The following CD9 variants were observed in gnomAD, a reference collection of about 807,000 sequenced individuals.
CD9 encodes CD9 molecule.
A neutral mutation model predicts 31.4 loss-of-function variants in CD9; 10 were observed. The observed-to-expected ratio is 0.32, with a 90% CI of 0.20 to 0.54. CD9 has a LOEUF of 0.54. CD9 is among the 20% of genes least tolerant of loss of function. CD9 has a pLI of 0.94. For missense variants in CD9, 259 were observed against 300.1 expected (o/e 0.86, Z 1.01); for synonymous variants, 113 against 114.1 (o/e 0.99, Z 0.06).
intron 1 of CD9, chr12:6,225,182 T>C (rs1415521665): frequency 3.7e-6 from 2 of 536,598 alleles, no homozygotes; most frequent in Non-Finnish European, 6.6e-6. Context: ...TTCTGTTGCC[T>C]ATAAAATACC....
intron 1 of CD9, among the ~76,000 whole-genome samples, chr12:6,203,141 C>T (rs1226404545): frequency 2.0e-5 from 3 of 152,122 alleles, no homozygotes; most frequent in Non-Finnish European, 4.4e-5. Context: ...GCATTGTCCC[C>T]ACTGTACTGA....
rs372872141 is a variant in CD9, at chr12:6,200,456, C to T, written c.-44C>T. The T allele has an allele frequency of 1.5e-4, 210 of 1,408,766 alleles. No homozygotes were observed. Among genetic ancestry groups the T allele is most frequent in the Non-Finnish European group, 2.0e-4 (197 of 994,754 alleles). 87.3% of individuals were successfully genotyped at this position (1,408,766 alleles called of 1,614,324 possible). A position where few individuals can be genotyped will look rare whatever the true frequency, so the allele number is the denominator to read the frequency against. ...CCGCCAGTCCCAGCTGCGCGCGCCC[C>T]CCAGTCCCGCACCCGTTCGGCCCAG... On this transcript the variant is annotated 5_prime_UTR_variant, in exon 1 of 8. Transcript: ENST00000009180.
chr12:6,202,055 C>CA (rs1946084101), intron 1 of CD9, among the ~76,000 whole-genome samples: 1 of 152,198 alleles, frequency 6.6e-6, no homozygotes, highest in East Asian at 1.9e-4. Flanking sequence ...AGAAAAGAAA[C>CA]AAATGCACTT....
At chr12:6,208,565 GT>G (rs1946157556) in intron 1 of CD9, among the ~76,000 whole-genome samples, 1 of 152,058 alleles carries the variant, frequency 6.6e-6, no homozygotes, top group African/African-American at 2.4e-5. Context: ...TTGTTTGTTT[GT>G]TTGTTTTTGT....
intron 1 of CD9, among the ~76,000 whole-genome samples, chr12:6,219,343 G>A (rs1946271098): frequency 6.6e-6 from 1 of 152,050 alleles, no homozygotes; most frequent in South Asian, 2.1e-4. Context: ...TCCAAAGTCT[G>A]TATAAGGATT....
intron 2 of CD9, among the ~76,000 whole-genome samples, chr12:6,230,230 A>G (rs1338934846): frequency 6.6e-6 from 1 of 152,164 alleles, no homozygotes; most frequent in Non-Finnish European, 1.5e-5. Context: ...GGCTAAAGCT[A>G]GGCACTGCAG....
chr12:6,232,418 C>T lies in CD9; in HGVS notation c.176-214C>T. ...AGGTAGGAGCGTGAGCTTGATGAAGCAGAGTCATGCAAGAGAGGCTGGTGG... is the reference window on the plus strand; with the variant it reads ...AGGTAGGAGCGTGAGCTTGATGAAGTAGAGTCATGCAAGAGAGGCTGGTGG... On this transcript the variant is annotated intron_variant, in intron 2 of 7. Transcript: ENST00000009180. This position sits in a 1 kb window ranked among gnomAD's most constrained non-coding sequence, Gnocchi z 4.8. 6.6e-6 allele frequency: 4 copies of T among 609,694 alleles called. No homozygotes were observed. Among genetic ancestry groups the T allele is most frequent in the Non-Finnish European group, 1.2e-5 (4 of 341,770 alleles). 37.8% of individuals were successfully genotyped at this position (609,694 alleles called of 1,614,324 possible). A position where few individuals can be genotyped will look rare whatever the true frequency, so the allele number is the denominator to read the frequency against.
Position 6,233,480 on chromosome 12 carries a change from G to A in CD9, c.342G>A (p.Lys114=). ...IAAAIWGYSH[K]DEVIKEVQEF... is the part of the protein sequence containing the mutation. ...CGGCCATCTGGGGATATTCCCACAA[G>A]GATGAGGTAGGTTTTTCCCATGAGA... The change falls in exon 4 of 8, where the codon AAG becomes AAA. Residue 114 remains lysine, a synonymous_variant. Coordinates refer to ENST00000009180, the MANE Select transcript of CD9 (RefSeq NM_001769.4). 1 of 1,612,574 alleles carries A rather than the reference G, an allele frequency of 6.2e-7. No homozygotes were observed. Among genetic ancestry groups the A allele is most frequent in the African/African-American group, 1.3e-5 (1 of 75,000 alleles).
At chr12:6,201,280 G>A (rs901444515) in intron 1 of CD9, among the ~76,000 whole-genome samples, 1 of 150,414 alleles carries the variant, frequency 6.6e-6, no homozygotes. Flanking sequence ...TTTCAAGGAC[G>A]ATAAGTATCT....
intron 1 of CD9, among the ~76,000 whole-genome samples, chr12:6,212,157 G>C (rs191305532): frequency 2.0e-5 from 3 of 152,160 alleles, no homozygotes; most frequent in Non-Finnish European, 4.4e-5. Flanking sequence ...GCAAGTAACC[G>C]ATCTCTGCAT....
intron 1 of CD9, among the ~76,000 whole-genome samples, chr12:6,213,124 A>T (rs1946209652): frequency 6.6e-6 from 1 of 152,190 alleles, no homozygotes; most frequent in Admixed American, 6.5e-5. Flanking sequence ...AAGCTATTAT[A>T]TGGGCCTGGC....
chr12:6,207,794 G>A (rs1946149159), intron 1 of CD9, among the ~76,000 whole-genome samples: 1 of 152,178 alleles, frequency 6.6e-6, no homozygotes, highest in African/African-American at 2.4e-5. Context: ...AGGAGGTCCC[G>A]GTAGAGAGAA....
intron 1 of CD9, among the ~76,000 whole-genome samples, chr12:6,221,246 C>G (rs868578250): frequency 6.6e-6 from 1 of 152,194 alleles, no homozygotes; most frequent in African/African-American, 2.4e-5. Flanking sequence ...CCCAGCAAAA[C>G]CAGAATGTTT....
Position 6,225,432 on chromosome 12 carries a change from G to A in CD9, c.73G>A (p.Gly25Arg). The change falls in exon 2 of 8, where the codon GGG becomes AGG. Residue 25 changes from glycine (G) to arginine (R), a missense_variant. Coordinates refer to ENST00000009180, the MANE Select transcript of CD9 (RefSeq NM_001769.4). The part of the protein sequence containing the change: ...FGFNFIFWLA[G>R]IAVLAIGLWL... ...TGTCCTGTATGTCTTGCAGCTTGCCGGGATTGCTGTCCTTGCCATTGGACT... is the reference window on the plus strand; with the variant it reads ...TGTCCTGTATGTCTTGCAGCTTGCCAGGATTGCTGTCCTTGCCATTGGACT... The A allele has an allele frequency of 3.1e-6, 5 of 1,611,466 alleles. No individual in the cohort carries two copies. Among genetic ancestry groups the A allele is most frequent in the Non-Finnish European group, 4.2e-6 (5 of 1,177,568 alleles).
intron 2 of CD9, among the ~76,000 whole-genome samples, chr12:6,227,721 G>A (rs537184968): frequency 6.6e-6 from 1 of 152,338 alleles, no homozygotes; most frequent in South Asian, 2.1e-4. Context: ...TGCTTCTCGG[G>A]TTGTCATTGC....
chr12:6,232,542 G>A lies in CD9; in HGVS notation c.176-90G>A. 1 of 803,602 alleles carries A rather than the reference G, an allele frequency of 1.2e-6. No homozygotes were observed. The highest frequency in any genetic ancestry group is 1.4e-5 in the South Asian group (1 of 69,320). The allele number at this position is 803,602 out of a possible 1,614,324, so 49.8% of individuals were successfully genotyped here. Reference sequence around the variant, plus strand: ...GGAATAAGGAGGTGGGGAGGCAGGAGTTAGGCAGAGGGAAACAGGAATTGC... The same window carrying A: ...GGAATAAGGAGGTGGGGAGGCAGGAATTAGGCAGAGGGAAACAGGAATTGC... On this transcript the variant is annotated intron_variant, in intron 2 of 7. Coordinates refer to ENST00000009180, the MANE Select transcript of CD9 (RefSeq NM_001769.4). The surrounding 1 kb of genome is among the most constrained non-coding windows in gnomAD (Gnocchi z 4.8).
At chr12:6,200,959 C>T (rs949371845) in intron 1 of CD9, 1 of 175,916 alleles carries the variant, frequency 5.7e-6, no homozygotes, top group Non-Finnish European at 1.2e-5. Context: ...TGGGCCAAGG[C>T]CAAGGAGGAC....
Position 6,235,311 on chromosome 12 carries a change from A to G in CD9, c.431A>G (p.Lys144Arg). ...TKDEPQRETL[K>R]AIHYALNCCG... is the part of the protein sequence containing the mutation. Reference sequence around the variant, plus strand: ...GATGAGCCCCAGCGGGAAACGCTGAAAGCCATCCACTATGCGGTATGTCGC... The same window carrying G: ...GATGAGCCCCAGCGGGAAACGCTGAGAGCCATCCACTATGCGGTATGTCGC... Residue 144 changes from lysine to arginine, a missense_variant, in exon 5 of 8, where the codon AAA becomes AGA. Lys to Arg is a conservative substitution (Grantham distance 26). Coordinates refer to ENST00000009180, the MANE Select transcript of CD9 (RefSeq NM_001769.4). The G allele has an allele frequency of 6.2e-7, 1 of 1,614,224 alleles. No homozygotes were observed. The highest frequency in any genetic ancestry group is 2.2e-5 in the East Asian group (1 of 44,892).
chr12:6,229,229 G>T (rs867768060), intron 2 of CD9, among the ~76,000 whole-genome samples: 13 of 152,338 alleles, frequency 8.5e-5, no homozygotes, highest in African/African-American at 1.7e-4. Flanking sequence ...GGGGGCTCCA[G>T]CCAGAGGCCG....
Sources: gnomAD v4.1 joint callset for allele counts (sites outside exome capture counted in the v4.1 genomes callset) on GRCh38, gnomAD v4.1.1 for gene constraint, Gnocchi (gnomAD v3.1) non-coding constraint, MANE v1.5 for transcripts, NCBI Gene and HGNC (gene_info 2026-07-23, HGNC 2026-07-21) for gene names.